MAX: variants seen among roughly 807,000 people sequenced by gnomAD.
The protein encoded by MAX is MYC associated transcriptional regulator X.
MAX carries 3 observed loss-of-function variants against 22.3 expected under a neutral mutation model. The observed-to-expected ratio is 0.13, with a 90% CI of 0.06 to 0.35. The LOEUF (loss-of-function observed/expected upper bound fraction) is 0.35. Among genes scored for constraint, MAX ranks in the 10% least tolerant of loss-of-function variants. MAX has a pLI of 1.00. For missense variants in MAX, 119 were observed against 209.4 expected (o/e 0.57, Z 2.66); for synonymous variants, 72 against 77.7 (o/e 0.93, Z 0.39).
intron 3 of MAX, among the ~76,000 whole-genome samples, chr14:65,049,938 G>A (rs983868008): frequency 1.3e-5 from 2 of 151,636 alleles, no homozygotes; most frequent in Admixed American, 6.6e-5. Context: ...AAATCGTGAA[G>A]GAAAAATCAA....
intron 3 of MAX, among the ~76,000 whole-genome samples, chr14:65,080,487 T>C (rs760843806): frequency 2.0e-4 from 31 of 152,200 alleles, no homozygotes; most frequent in Non-Finnish European, 4.1e-4. Context: ...ATGATTAGTA[T>C]TGATAAGAGG....
chr14:65,094,935 G>A (rs2063617461), intron 2 of MAX, among the ~76,000 whole-genome samples: 1 of 152,218 alleles, frequency 6.6e-6, no homozygotes. Flanking sequence ...GGAAGTTCAG[G>A]TAGCTTAAAT....
rs145076914 is a variant in MAX at position 65,009,981 on chromosome 14, C to T, written c.172-3697G>A. Among the ~76,000 whole-genome samples the T allele has an allele frequency of 2.3e-3, 356 of 152,256 alleles. 2 individuals carry two copies. Among genetic ancestry groups the T allele is most frequent in the African/African-American group, 8.2e-3 (341 of 41,538 alleles). On this transcript the variant is annotated intron_variant, in intron 3 of 3. Coordinates refer to the MAX transcript ENST00000341653. This position sits in a 1 kb window ranked among gnomAD's most constrained non-coding sequence, Gnocchi z 4.2. Reference sequence around the variant, plus strand: ...CACTCTGCCCACACAGATGGGTGCTCCCTGCGTCCTGAGTGGACTTTCCTG... The same window carrying T: ...CACTCTGCCCACACAGATGGGTGCTTCCTGCGTCCTGAGTGGACTTTCCTG...
At chr14:65,024,218 C>T (rs576264957) in intron 3 of MAX, among the ~76,000 whole-genome samples, 2 of 152,068 alleles carry the variant, frequency 1.3e-5, no homozygotes, top group Non-Finnish European at 1.5e-5. Context: ...AGCACTGATA[C>T]CTGGCTGAAC....
chr14:65,031,222 A>G lies in MAX; in HGVS notation c.172-24938T>C, dbSNP rs780739137. Among the ~76,000 whole-genome samples the G allele has an allele frequency of 2.6e-5, 4 of 152,200 alleles. No individual in the cohort carries two copies. The highest frequency in any genetic ancestry group is 5.9e-5 in the Non-Finnish European group (4 of 68,024). On this transcript the variant is annotated intron_variant, in intron 3 of 3. Transcript: ENST00000341653. The surrounding 1 kb of genome is among the most constrained non-coding windows in gnomAD (Gnocchi z 4.6). ...GCAGTCTGTGTGTGTATACCATGAC[A>G]GAGGGAGAAGCTGAAATAAAATGTG...
At position 65,032,560 on chromosome 14, in the gene MAX, C is replaced by T. The variant is rs1595061158; in HGVS notation, c.172-26276G>A. On this transcript the variant is annotated intron_variant, in intron 3 of 3. Transcript: ENST00000341653. The surrounding 1 kb of genome is among the most constrained non-coding windows in gnomAD (Gnocchi z 5.0). The stretch of plus-strand genomic sequence containing the variant: ...TCCGCCCGCGGAGTTCACTGAGCCT[C>T]ATTAGCTCTTCCGTAGAGCTTAATG... 1 of 1,599,754 alleles carries T rather than the reference C, an allele frequency of 6.3e-7. No homozygotes were observed. The highest frequency in any genetic ancestry group is 8.5e-7 in the Non-Finnish European group (1 of 1,173,092).
In MAX at chr14:65,075,687, T is replaced by G. The variant is rs565577617; in HGVS notation, c.*789A>C. ...ACTGGCCCTCAATACAAAACCTCTATGCCACCCAAAACACCCTCCCTGTCC... is the reference window on the plus strand; with the variant it reads ...ACTGGCCCTCAATACAAAACCTCTAGGCCACCCAAAACACCCTCCCTGTCC... On this transcript the variant is annotated 3_prime_UTR_variant, in exon 5 of 5. Coordinates refer to ENST00000358664, the MANE Select transcript of MAX (RefSeq NM_002382.5). This position sits in a 1 kb window ranked among gnomAD's most constrained non-coding sequence, Gnocchi z 4.1. The G allele has an allele frequency of 9.4e-7, 1 of 1,066,476 alleles. No homozygotes were observed. Among genetic ancestry groups the G allele is most frequent in the Admixed American group, 5.3e-5 (1 of 18,764 alleles). The allele number at this position is 1,066,476 out of a possible 1,614,324, so 66.1% of individuals were successfully genotyped here. A position where few individuals can be genotyped will look rare whatever the true frequency, so the allele number is the denominator to read the frequency against.
chr14:65,054,510 G>A lies in MAX; in HGVS notation c.171+39198C>T. ...TTGCACCAGTGGTCTCTGAATTGGT[G>A]TGGCTACATTTGTAGATGTGTGCGG... On this transcript the variant is annotated intron_variant, in intron 3 of 3. Transcript: ENST00000341653. The surrounding 1 kb of genome is among the most constrained non-coding windows in gnomAD (Gnocchi z 4.4). The A allele has an allele frequency of 2.0e-6, 3 of 1,503,882 alleles. No individual in the cohort carries two copies. The highest frequency in any genetic ancestry group is 2.7e-6 in the Non-Finnish European group (3 of 1,102,126). The allele number at this position is 1,503,882 out of a possible 1,614,324, so 93.2% of individuals were successfully genotyped here.
At chr14:65,074,909 C>T (rs1369298697), downstream of MAX, among the ~76,000 whole-genome samples, 1 of 152,136 alleles carries the variant, frequency 6.6e-6, no homozygotes, top group Non-Finnish European at 1.5e-5. Context: ...CCTCAAAAGC[C>T]TCATCCAATG....
At chr14:65,096,559 A>G (rs1172201489) in intron 2 of MAX, among the ~76,000 whole-genome samples, 1 of 152,062 alleles carries the variant, frequency 6.6e-6, no homozygotes, top group Non-Finnish European at 1.5e-5. Flanking sequence ...TTGGAGGACT[A>G]GTTTGCAGGC....
chr14:65,034,136 C>T (rs986826342), intron 3 of MAX, among the ~76,000 whole-genome samples: 1 of 152,144 alleles, frequency 6.6e-6, no homozygotes, highest in African/African-American at 2.4e-5. Context: ...TAAACATAGT[C>T]AAACCCTTCA....
Position 65,053,471 on chromosome 14 carries a change from C to T in MAX, c.171+40237G>A, listed in dbSNP as rs1047237174. The stretch of plus-strand genomic sequence containing the variant: ...GGTGTCACCTTCAGCACCTGCATAG[C>T]GCTAGGTTGTATGGGAAAAAGCACC... On this transcript the variant is annotated intron_variant, in intron 3 of 3. Coordinates refer to the MAX transcript ENST00000341653. 11 of 850,582 alleles carry T rather than the reference C, an allele frequency of 1.3e-5. No individual in the cohort carries two copies. The South Asian group carries it at 1.8e-4, about 14-fold the overall frequency. 52.7% of individuals were successfully genotyped at this position (850,582 alleles called of 1,614,324 possible).
chr14:65,090,043 C>T (rs2139846874), intron 3 of MAX: 1 of 152,266 alleles, frequency 6.6e-6, no homozygotes, highest in Non-Finnish European at 1.5e-5. Context: ...TTCTTGAGCT[C>T]AGAGCAACTA....
intron 2 of MAX, among the ~76,000 whole-genome samples, chr14:65,099,290 T>C (rs2063759245): frequency 6.6e-6 from 1 of 152,050 alleles, no homozygotes; most frequent in Admixed American, 6.5e-5. Context: ...TATCAACAAA[T>C]AGATGTGTTA....
chr14:65,037,076 T>C (rs1476185176), intron 3 of MAX, among the ~76,000 whole-genome samples: 1 of 152,078 alleles, frequency 6.6e-6, no homozygotes, highest in African/African-American at 2.4e-5. Context: ...TTTGATAATT[T>C]CTTCTCTTGT....
In MAX at chr14:65,076,545, C is replaced by T. The variant is rs559090673; in HGVS notation, c.414G>A (p.Ser138=). ...GSTISAFDGG[S]DSSSESEPEE... ...CAGGCTCAGACTCCGAGCTGGAGTCCGAGCCCCCATCGAAGGCAGAGATGG... is the reference window on the plus strand; with the variant it reads ...CAGGCTCAGACTCCGAGCTGGAGTCTGAGCCCCCATCGAAGGCAGAGATGG... Residue 138 remains serine, a synonymous_variant, in exon 5 of 5, where the codon TCG becomes TCA. Coordinates refer to ENST00000358664, the MANE Select transcript of MAX (RefSeq NM_002382.5). This position sits in a 1 kb window ranked among gnomAD's most constrained non-coding sequence, Gnocchi z 6.6. 2.7e-5 allele frequency: 44 copies of T among 1,614,030 alleles called. No individual in the cohort carries two copies. The highest frequency in any genetic ancestry group is 6.7e-5 in the East Asian group (3 of 44,854).
chr14:65,037,442 T>TTG (rs2062225041), intron 3 of MAX, among the ~76,000 whole-genome samples: 1 of 115,860 alleles, frequency 8.6e-6, no homozygotes, highest in Non-Finnish European at 1.8e-5. Context: ...TTTTTTTTTT[T>TTG]TTTTGAGACG....
upstream of MAX, chr14:65,102,631 G>A (rs1256868419): frequency 4.2e-6 from 5 of 1,189,936 alleles, no homozygotes; most frequent in African/African-American, 1.6e-5. Context: ...CAGACGGCCC[G>A]GGTAGCTCCA....
intron 3 of MAX, among the ~76,000 whole-genome samples, chr14:65,086,701 G>T (rs2063343152): frequency 6.6e-6 from 1 of 152,238 alleles, no homozygotes; most frequent in Non-Finnish European, 1.5e-5. Flanking sequence ...AAGAGAAGCA[G>T]AGCATAAAAG....
Sources: allele counts gnomAD v4.1 joint callset (sites outside exome capture counted in the v4.1 genomes callset), GRCh38; gene constraint gnomAD v4.1.1; non-coding constraint Gnocchi (gnomAD v3.1); transcripts MANE v1.5; gene names NCBI Gene and HGNC (gene_info 2026-07-23, HGNC 2026-07-21).